The following ST6GALNAC3 variants were observed in gnomAD, a reference collection of about 807,000 sequenced individuals.
The protein encoded by ST6GALNAC3 is alpha-N-acetylgalactosaminide alpha-2,6-sialyltransferase 3.
Under a neutral mutation model 32.7 loss-of-function variants are expected in ST6GALNAC3, and 25 were observed. The ratio of observed to expected loss-of-function variants is 0.76; its 90% CI spans 0.56 to 1.07. The LOEUF is 1.07. Among genes scored for constraint, ST6GALNAC3 ranks in the 50% least tolerant of loss-of-function variants. The pLI is 0.00. For synonymous variants in ST6GALNAC3, 129 were observed against 133.1 expected (o/e 0.97, Z 0.21); for missense variants, 355 against 382.4 (o/e 0.93, Z 0.60).
At chr1:76,336,375 A>T (rs79664725) in intron 2 of ST6GALNAC3, among the ~76,000 whole-genome samples, 2,199 of 152,316 alleles carry the variant, frequency 0.014, 24 homozygotes, top group Non-Finnish European at 0.022. Context: ...CTTAAATTTA[A>T]TGAATAAGTG....
intron 3 of ST6GALNAC3, among the ~76,000 whole-genome samples, chr1:76,550,727 A>G (rs552163121): frequency 2.8e-4 from 42 of 152,156 alleles, no homozygotes; most frequent in African/African-American, 1.0e-3. Flanking sequence ...CTTATAATGG[A>G]TAAAAAGCTT....
chr1:76,594,448 G>T (rs998687378), intron 3 of ST6GALNAC3, among the ~76,000 whole-genome samples: 2 of 152,024 alleles, frequency 1.3e-5, no homozygotes, highest in East Asian at 3.9e-4. Context: ...AGAACCAAAG[G>T]TCTCTAATAC....
chr1:76,430,025 T>C (rs1655647862), intron 3 of ST6GALNAC3, among the ~76,000 whole-genome samples: 4 of 152,236 alleles, frequency 2.6e-5, no homozygotes. Flanking sequence ...TAAAACTAGG[T>C]TGGCCTTTAG....
At chr1:76,217,912 G>T (rs1278452949) in intron 1 of ST6GALNAC3, among the ~76,000 whole-genome samples, 2 of 152,046 alleles carry the variant, frequency 1.3e-5, no homozygotes, top group Non-Finnish European at 2.9e-5. Context: ...TTATCAGCTT[G>T]TTGGCGGATG....
chr1:76,105,608 C>A (rs558628980), intron 1 of ST6GALNAC3, among the ~76,000 whole-genome samples: 3 of 152,186 alleles, frequency 2.0e-5, no homozygotes, highest in Non-Finnish European at 4.4e-5. Context: ...CATTTAATTA[C>A]CACTTTTTCT....
At chr1:76,182,356 C>A (rs1653238516) in intron 1 of ST6GALNAC3, among the ~76,000 whole-genome samples, 2 of 152,158 alleles carry the variant, frequency 1.3e-5, no homozygotes, top group Admixed American at 6.5e-5. Flanking sequence ...AGACAATAGT[C>A]TTTTCTGTAG....
At chr1:76,585,994 A>C (rs1166482377) in intron 3 of ST6GALNAC3, among the ~76,000 whole-genome samples, 1 of 152,210 alleles carries the variant, frequency 6.6e-6, no homozygotes, top group Non-Finnish European at 1.5e-5. Flanking sequence ...AGGGTTCTAC[A>C]ACCAAAAATG....
At chr1:76,625,776 A>G (rs1441777444) in intron 3 of ST6GALNAC3, among the ~76,000 whole-genome samples, 1 of 151,838 alleles carries the variant, frequency 6.6e-6, no homozygotes, top group Non-Finnish European at 1.5e-5. Context: ...TTCATTTTGC[A>G]TCTATTGCTG....
At chr1:76,591,031 T>C (rs1321616001) in intron 3 of ST6GALNAC3, among the ~76,000 whole-genome samples, 1 of 152,182 alleles carries the variant, frequency 6.6e-6, no homozygotes, top group African/African-American at 2.4e-5. Context: ...TATAGCTAGA[T>C]AAAAGCTACT....
At chr1:76,186,421 C>T (rs1055093753) in intron 1 of ST6GALNAC3, among the ~76,000 whole-genome samples, 2 of 152,062 alleles carry the variant, frequency 1.3e-5, no homozygotes, top group African/African-American at 4.8e-5. Context: ...AGGCAATATT[C>T]TAGGGCTTTT....
At chr1:76,094,006 C>T (rs558371523) in intron 1 of ST6GALNAC3, among the ~76,000 whole-genome samples, 15 of 152,234 alleles carry the variant, frequency 9.9e-5, no homozygotes, top group South Asian at 4.1e-4. Flanking sequence ...TCTTTTATTA[C>T]GGGAGTTCAT....
intron 3 of ST6GALNAC3, among the ~76,000 whole-genome samples, chr1:76,500,378 AT>A (rs1661108736): frequency 6.6e-6 from 1 of 152,156 alleles, no homozygotes. Context: ...ATCACTGGCA[AT>A]TTTATCACAA....
chr1:76,171,131 G>A (rs1652470459), intron 1 of ST6GALNAC3, among the ~76,000 whole-genome samples: 1 of 148,014 alleles, frequency 6.8e-6, no homozygotes, highest in Non-Finnish European at 1.5e-5. Flanking sequence ...GCTGAAGATA[G>A]TATTATCCCA....
intron 1 of ST6GALNAC3, among the ~76,000 whole-genome samples, chr1:76,220,300 A>AT (rs1448022751): frequency 3.3e-5 from 5 of 152,192 alleles, no homozygotes; most frequent in Non-Finnish European, 7.3e-5. Context: ...AGACAGAAAA[A>AT]AATTCACATT....
At chr1:76,555,555 T>C (rs969928889) in intron 3 of ST6GALNAC3, among the ~76,000 whole-genome samples, 3 of 152,074 alleles carry the variant, frequency 2.0e-5, no homozygotes, top group Admixed American at 2.0e-4. Flanking sequence ...AAGGTGAGAT[T>C]TGAGATTCAA....
intron 2 of ST6GALNAC3, among the ~76,000 whole-genome samples, chr1:76,391,096 C>G (rs1211424570): frequency 6.6e-6 from 1 of 151,350 alleles, no homozygotes; most frequent in African/African-American, 2.4e-5. Context: ...CCCACCACCA[C>G]GCAAGGCTAA....
At chr1:76,572,197 T>G (rs1557586774) in intron 3 of ST6GALNAC3, among the ~76,000 whole-genome samples, 1 of 152,056 alleles carries the variant, frequency 6.6e-6, no homozygotes, top group Non-Finnish European at 1.5e-5. Context: ...TGAACTGTCT[T>G]TTTTCCTGCC....
chr1:76,126,690 A>G (rs1405508212), intron 1 of ST6GALNAC3, among the ~76,000 whole-genome samples: 1 of 152,152 alleles, frequency 6.6e-6, no homozygotes, highest in Non-Finnish European at 1.5e-5. Flanking sequence ...TGCTGGGCAA[A>G]CAGTGTCGCT....
intron 3 of ST6GALNAC3, among the ~76,000 whole-genome samples, chr1:76,514,870 T>A (rs980521494): frequency 3.3e-5 from 5 of 152,334 alleles, no homozygotes; most frequent in African/African-American, 1.2e-4. Context: ...AAATTCCACT[T>A]GAACACAGTA....
Sources: gnomAD v4.1 joint callset for allele counts (sites outside exome capture counted in the v4.1 genomes callset) on GRCh38, gnomAD v4.1.1 for gene constraint, MANE v1.5 for transcripts, NCBI Gene and HGNC (gene_info 2026-07-23, HGNC 2026-07-21) for gene names.